TJP1: variants seen among roughly 807,000 people sequenced by gnomAD.
The protein encoded by TJP1 is tight junction protein ZO-1.
A neutral mutation model predicts 194.2 loss-of-function variants in TJP1; 43 were observed. That is an observed-to-expected ratio of 0.22 (90% CI 0.17 to 0.29). The LOEUF is 0.29. Ranked by LOEUF, TJP1 falls within the 10% of genes least tolerant of loss-of-function variation. The pLI, the probability that TJP1 is intolerant of heterozygous loss-of-function variation, is 1.00. For missense variants in TJP1, 1,971 were observed against 2,185.7 expected, an observed-to-expected ratio of 0.90 and a Z score of 1.96; for synonymous variants, 801 against 779.0, an observed-to-expected ratio of 1.03 and a Z score of -0.47.
chr15:29,855,066 C>T (rs1266928039), intron 2 of TJP1, among the ~76,000 whole-genome samples: 1 of 151,992 alleles, frequency 6.6e-6, no homozygotes, highest in Admixed American at 6.5e-5. Flanking sequence ...ACCAGAAACA[C>T]TACTTTAAAA....
At chr15:29,784,757 G>A (rs1473736479) in intron 2 of TJP1, among the ~76,000 whole-genome samples, 2 of 152,108 alleles carry the variant, frequency 1.3e-5, no homozygotes, top group African/African-American at 2.4e-5. Context: ...TACATGGATA[G>A]GACTGGTGAT....
Position 29,955,753 on chromosome 15 carries a change from T to TAAAAAAAAAAAA in TJP1, c.306+467_306+478dup, listed in dbSNP as rs563535771. Among the ~76,000 whole-genome samples, 107 of 35,814 alleles carry TAAAAAAAAAAAA rather than the reference T, an allele frequency of 3.0e-3. 1 individual carries two copies. Among genetic ancestry groups the TAAAAAAAAAAAA allele is most frequent in the Middle Eastern group, 0.023 (1 of 44 alleles). The allele number at this position is 35,814 out of a possible 152,430, so 23.5% of individuals were successfully genotyped here. ...GCAACAGAAGGAGACCCTGGCTCTTTAAAAAAAAAAAAAAAAAAAAAAAAA... is the reference window on the plus strand; with the variant it reads ...GCAACAGAAGGAGACCCTGGCTCTTTAAAAAAAAAAAAAAAAAAAAAAAAAAAAAAAAAAAAA... On this transcript the variant is annotated intron_variant, in intron 2 of 28. Transcript: ENST00000356107.
At chr15:29,812,781 C>T (rs2049615611) in intron 1 of TJP1, among the ~76,000 whole-genome samples, 1 of 152,144 alleles carries the variant, frequency 6.6e-6, no homozygotes, top group Non-Finnish European at 1.5e-5. Flanking sequence ...TGGGATAATG[C>T]ACATAAAACA....
chr15:29,786,136 A>G (rs568806365), intron 2 of TJP1, among the ~76,000 whole-genome samples: 29 of 152,328 alleles, frequency 1.9e-4, no homozygotes, highest in African/African-American at 6.5e-4. Flanking sequence ...TCAATCTTCT[A>G]TGACTGTCAG....
intron 10 of TJP1, among the ~76,000 whole-genome samples, chr15:29,739,319 T>G (rs2044241372): frequency 6.6e-6 from 1 of 152,232 alleles, no homozygotes; most frequent in Admixed American, 6.5e-5. Flanking sequence ...CACTAACTTC[T>G]GCATCAAATC....
chr15:29,948,260 CAAAAAAAA>C (rs35983966), intron 2 of TJP1, among the ~76,000 whole-genome samples: 6 of 95,322 alleles, frequency 6.3e-5, no homozygotes, highest in African/African-American at 1.4e-4. Flanking sequence ...CACTCCATCA[CAAAAAAAA>C]AAAAAAAAAG....
intron 2 of TJP1, among the ~76,000 whole-genome samples, chr15:29,924,793 A>T (rs1355269710): frequency 8.3e-5 from 12 of 144,384 alleles, no homozygotes; most frequent in Non-Finnish European, 3.1e-5. Flanking sequence ...CGGAGATCTT[A>T]ACCCTAGGGC....
intron 2 of TJP1, among the ~76,000 whole-genome samples, chr15:29,934,009 C>A (rs2054805379): frequency 6.6e-6 from 1 of 150,840 alleles, no homozygotes. Context: ...TAAACTATAC[C>A]TAAGGGCTTA....
chr15:29,799,832 C>T (rs955213025), intron 2 of TJP1, among the ~76,000 whole-genome samples: 5 of 152,166 alleles, frequency 3.3e-5, no homozygotes, highest in African/African-American at 1.2e-4. Context: ...TTTCCATCTT[C>T]CTAATAATGG....
chr15:29,941,311 C>T (rs2055067408), intron 2 of TJP1, among the ~76,000 whole-genome samples: 1 of 152,224 alleles, frequency 6.6e-6, no homozygotes, highest in Admixed American at 6.5e-5. Context: ...CTTCTGACTG[C>T]CTATGCACTG....
chr15:29,745,477 G>A (rs1039789517), intron 8 of TJP1, among the ~76,000 whole-genome samples: 1 of 152,074 alleles, frequency 6.6e-6, no homozygotes, highest in African/African-American at 2.4e-5. Context: ...CTTTAGACTG[G>A]GGGAAGCCTT....
intron 1 of TJP1, among the ~76,000 whole-genome samples, chr15:29,803,798 T>C (rs892828996): frequency 3.7e-4 from 57 of 152,222 alleles, no homozygotes; most frequent in African/African-American, 1.2e-3. Context: ...GCTCTCACCA[T>C]TCCACATCAA....
Position 29,720,468 on chromosome 15 carries a change from A to T in TJP1, c.2653T>A (p.Ser885Thr), listed in dbSNP as rs760925388. 1 of 1,614,156 alleles carries T rather than the reference A, an allele frequency of 6.2e-7. No individual in the cohort carries two copies. Among genetic ancestry groups the T allele is most frequent in the South Asian group, 1.1e-5 (1 of 91,068 alleles). Residue 885 changes from serine to threonine, a missense_variant, in exon 19 of 28, where the codon TCC (serine) becomes ACC (threonine). This residue lies in a region of TJP1 where 1,108 missense variants were observed against 1,128.5 expected (regional missense o/e 0.98). Transcript: ENST00000614355. ...TRSSEPVRED[S>T]SGMHHENQTY... ...TGGTTTTCATGATGCATTCCAGAGG[A>T]GTCCTCTCTTACAGGCTCAGAGGAC...
intron 2 of TJP1, among the ~76,000 whole-genome samples, chr15:29,909,338 CAAAAAAAAAA>C (rs11353216): frequency 6.4e-5 from 6 of 93,672 alleles, no homozygotes; most frequent in African/African-American, 2.4e-4. Flanking sequence ...ACTTCATCTC[CAAAAAAAAAA>C]AAAAAAAAAG....
At chr15:29,769,816 T>A (rs2058034579) in intron 4 of TJP1, among the ~76,000 whole-genome samples, 1 of 152,182 alleles carries the variant, frequency 6.6e-6, no homozygotes, top group Non-Finnish European at 1.5e-5. Context: ...ATGTACAGAA[T>A]ATAATACTTG....
chr15:29,760,331 A>G, intron 8 of TJP1: 1 of 697,680 alleles, frequency 1.4e-6, no homozygotes, highest in Non-Finnish European at 2.6e-6. Context: ...AAACTCAGGT[A>G]GGTCATATAC....
At position 29,875,704 on chromosome 15, in the gene TJP1, T is replaced by C. The variant is rs2052673309; in HGVS notation, c.307-75002A>G. ...GCCTCAGCCTCCCAGGTAGCTGGGA[T>C]TACAGGCGTGCGCCACCATGCCCAG... is the stretch of plus-strand genomic sequence containing the variant. On this transcript the variant is annotated intron_variant, in intron 2 of 28. Coordinates refer to the TJP1 transcript ENST00000356107. Among the ~76,000 whole-genome samples, 2 of 152,152 alleles carry C rather than the reference T, an allele frequency of 1.3e-5. 1 individual carries two copies. The highest frequency in any genetic ancestry group is 4.1e-4 in the South Asian group (2 of 4,824).
chr15:29,793,477 AAG>A (rs533855988), intron 2 of TJP1, among the ~76,000 whole-genome samples: 9 of 152,330 alleles, frequency 5.9e-5, no homozygotes, highest in African/African-American at 2.2e-4. Flanking sequence ...TATATAAAAA[AAG>A]AGTTCATTGG....
chr15:29,876,089 T>C (rs140827138), intron 2 of TJP1, among the ~76,000 whole-genome samples: 1 of 152,360 alleles, frequency 6.6e-6, no homozygotes, highest in Non-Finnish European at 1.5e-5. Context: ...ATGTGGCTAG[T>C]AGCAATGATA....
Sources: allele counts gnomAD v4.1 joint callset (sites outside exome capture counted in the v4.1 genomes callset), GRCh38; gene constraint gnomAD v4.1.1; regional missense constraint gnomAD v4.1.1; transcripts MANE v1.5; gene names NCBI Gene and HGNC (gene_info 2026-07-23, HGNC 2026-07-21).